The following SPEGNB variants were observed in gnomAD, a reference collection of about 807,000 sequenced individuals.
SPEGNB encodes SPEG neighbor.
Under a neutral mutation model 18.3 loss-of-function variants are expected in SPEGNB, and 12 were observed. That is an observed-to-expected ratio of 0.65 (90% CI 0.42 to 1.06). The LOEUF is 1.06. Among genes scored for constraint, SPEGNB ranks in the 50% least tolerant of loss-of-function variants. The pLI is 0.00. For synonymous variants in SPEGNB, 113 were observed against 138.8 expected, an observed-to-expected ratio of 0.81 and a Z score of 1.31; for missense variants, 273 against 329.3, an observed-to-expected ratio of 0.83 and a Z score of 1.32.
chr2:219,498,090 C>G lies in SPEGNB; in HGVS notation c.618C>G (p.Thr206=), dbSNP rs1329135232. ...FEIGSTTTTL[T]IRRATPQDSG... ...TCGGCAGCACCACCACGACGCTGAC[C>G]ATTCGCCGGGCCACGCCTCAGGACA... Residue 206 remains threonine (T), a synonymous_variant, in exon 5 of 5, where the codon ACC becomes ACG. Transcript: ENST00000651166. 3.8e-6 allele frequency: 5 copies of G among 1,304,054 alleles called. No homozygotes were observed. The African/African-American group carries it at 7.6e-5, about 20-fold the overall frequency. The allele number at this position is 1,304,054 out of a possible 1,614,324, so 80.8% of individuals were successfully genotyped here.
intron 2 of SPEGNB, 63 bp from the exon 3 acceptor site, chr2:219,496,746 G>C: frequency 8.5e-7 from 1 of 1,177,280 alleles, no homozygotes. Context: ...TGGTGCGCTC[G>C]CGGTAAGGGC....
At position 219,496,478 on chromosome 2, in the gene SPEGNB, C is replaced by T. The variant is rs1364746268; in HGVS notation, c.124C>T (p.His42Tyr). Reference sequence around the variant, plus strand: ...TCGTATCCAGGCCTCTTACCGGGGCCACAGGTGAGAGGGAACCCCGGAGCC... The same window carrying T: ...TCGTATCCAGGCCTCTTACCGGGGCTACAGGTGAGAGGGAACCCCGGAGCC... Reference protein sequence around the residue: ...AIRIQASYRGHRSRKELREKG... With the variant: ...AIRIQASYRGYRSRKELREKG... The change falls in exon 2 of 5, where the codon CAC becomes TAC. Residue 42 changes from histidine to tyrosine, a missense_variant. Transcript: ENST00000651166. 3 of 1,259,436 alleles carry T rather than the reference C, an allele frequency of 2.4e-6. No individual in the cohort carries two copies. Among genetic ancestry groups the T allele is most frequent in the Non-Finnish European group, 3.1e-6 (3 of 958,312 alleles). The allele number at this position is 1,259,436 out of a possible 1,614,324, so 78.0% of individuals were successfully genotyped here.
chr2:219,496,736 T>G, intron 2 of SPEGNB, 73 bp from the exon 3 acceptor site: 1 of 1,167,178 alleles, frequency 8.6e-7, no homozygotes, highest in Admixed American at 3.5e-5. Flanking sequence ...AGGTAGGAGA[T>G]GGTGCGCTCG....
chr2:219,497,983 A>G, intron 4 of SPEGNB, 68 bp from the exon 5 acceptor site: 2 of 1,272,554 alleles, frequency 1.6e-6, no homozygotes, highest in Non-Finnish European at 2.1e-6. Context: ...GAGCTGGCTA[A>G]GGAGCCCCGC....
rs551161428 is a variant in SPEGNB, at chr2:219,498,175, G to C, written c.703G>C (p.Val235Leu). 1 of 1,303,922 alleles carries C rather than the reference G, an allele frequency of 7.7e-7. No homozygotes were observed. The highest frequency in any genetic ancestry group is 5.5e-5 in the East Asian group (1 of 18,030). 80.8% of individuals were successfully genotyped at this position (1,303,922 alleles called of 1,614,324 possible). The change falls in exon 5 of 5, where the codon GTC becomes CTC. Residue 235 changes from valine to leucine, a missense_variant. Physicochemically the swap from Val to Leu is conservative, Grantham distance 32 (BLOSUM62 1). Transcript: ENST00000651166. Reference protein sequence around the residue: ...SLGMDQSFARVDVA With the variant: ...SLGMDQSFARLDVA ...GGGCATGGACCAGAGCTTCGCTCGCGTCGACGTGGCCTGAACGGCACCCCC... is the reference window on the plus strand; with the variant it reads ...GGGCATGGACCAGAGCTTCGCTCGCCTCGACGTGGCCTGAACGGCACCCCC...
intron 2 of SPEGNB, 79 bp downstream of exon 2, chr2:219,496,561 G>A (rs1272343927): frequency 8.7e-7 from 1 of 1,149,168 alleles, no homozygotes; most frequent in African/African-American, 1.6e-5. Flanking sequence ...AGTAAGCGCT[G>A]AGCAGCGTCA....
chr2:219,497,247 C>CGGCCTG, intron 3 of SPEGNB, 131 bp downstream of exon 3: 1 of 675,080 alleles, frequency 1.5e-6, no homozygotes, highest in Admixed American at 5.1e-5. Context: ...GCTCTGGGCA[C>CGGCCTG]GGCCTGGGGC....
chr2:219,498,231 G>C lies in SPEGNB; in HGVS notation c.*42G>C. ...TTCCGCCCTGGCGCCGAGCCCGGGG[G>C]TGGTGGGACCCACAGCCCTCCACCA... On this transcript the variant is annotated 3_prime_UTR_variant, in exon 5 of 5. Transcript: ENST00000651166. The C allele has an allele frequency of 7.8e-7, 1 of 1,288,032 alleles. No individual in the cohort carries two copies. The highest frequency in any genetic ancestry group is 1.3e-5 in the South Asian group (1 of 78,548). 79.8% of individuals were successfully genotyped at this position (1,288,032 alleles called of 1,614,324 possible). A position where few individuals can be genotyped will look rare whatever the true frequency, so the allele number is the denominator to read the frequency against.
In SPEGNB at chr2:219,496,978, T is replaced by C. The variant is rs1376092811; in HGVS notation, c.298T>C (p.Tyr100His). The C allele has an allele frequency of 2.3e-6, 3 of 1,303,548 alleles. No homozygotes were observed. Among genetic ancestry groups the C allele is most frequent in the Admixed American group, 4.6e-5 (2 of 43,520 alleles). The allele number at this position is 1,303,548 out of a possible 1,614,324, so 80.7% of individuals were successfully genotyped here. Residue 100 changes from tyrosine (Y) to histidine (H), a missense_variant, in exon 3 of 5, where the codon TAC (tyrosine) becomes CAC (histidine). By Grantham distance (83) the Tyr-to-His change is moderately conservative. Transcript: ENST00000651166. ...DGKELRDGPK[Y>H]RYVFEDPDVV... ...CAAGGAGCTACGTGACGGTCCCAAGTACCGCTACGTCTTCGAGGACCCTGA... is the reference window on the plus strand; with the variant it reads ...CAAGGAGCTACGTGACGGTCCCAAGCACCGCTACGTCTTCGAGGACCCTGA...
chr2:219,497,992 G>A (rs976708950), intron 4 of SPEGNB, 59 bp from the exon 5 acceptor site: 4 of 1,272,076 alleles, frequency 3.1e-6, no homozygotes, highest in South Asian at 2.6e-5. Context: ...AAGGAGCCCC[G>A]CCCAGTGCGC....
chr2:219,497,581 G>A (rs1168181556), intron 3 of SPEGNB, 139 bp from the exon 4 acceptor site: 1 of 1,064,466 alleles, frequency 9.4e-7, no homozygotes, highest in African/African-American at 1.7e-5. Flanking sequence ...GATGAAACCA[G>A]AGAGGCTAAT....
chr2:219,496,674 G>A, intron 2 of SPEGNB, 135 bp from the exon 3 acceptor site: 3 of 993,540 alleles, frequency 3.0e-6, no homozygotes, highest in Non-Finnish European at 3.9e-6. Context: ...TTCAGGAGCA[G>A]TCCTCTTCCC....
At position 219,496,974 on chromosome 2, in the gene SPEGNB, C is replaced by T. The variant is rs746488633; in HGVS notation, c.294C>T (p.Pro98=). ...SKDGKELRDG[P]KYRYVFEDPD... ...ACGGCAAGGAGCTACGTGACGGTCC[C>T]AAGTACCGCTACGTCTTCGAGGACC... The change falls in exon 3 of 5, where the codon CCC becomes CCT. Residue 98 remains proline (P), a synonymous_variant. Transcript: ENST00000651166. The T allele has an allele frequency of 7.7e-7, 1 of 1,303,614 alleles. No individual in the cohort carries two copies. The highest frequency in any genetic ancestry group is 1.2e-5 in the South Asian group (1 of 80,984). 80.8% of individuals were successfully genotyped at this position (1,303,614 alleles called of 1,614,324 possible).
chr2:219,497,666 C>T (rs1395079631), intron 3 of SPEGNB, 54 bp from the exon 4 acceptor site: 1 of 1,289,532 alleles, frequency 7.8e-7, no homozygotes, highest in Non-Finnish European at 1.0e-6. Context: ...GAGGTGATGC[C>T]CTGCCTCATC....
At position 219,498,262 on chromosome 2, in the gene SPEGNB, C is replaced by T. The variant is rs1705037; in HGVS notation, c.*73C>T. The T allele has an allele frequency of 8.1e-7, 1 of 1,230,942 alleles. No homozygotes were observed. The highest frequency in any genetic ancestry group is 1.1e-6 in the Non-Finnish European group (1 of 947,264). 76.3% of individuals were successfully genotyped at this position (1,230,942 alleles called of 1,614,324 possible). A position where few individuals can be genotyped will look rare whatever the true frequency, so the allele number is the denominator to read the frequency against. ...GGACCCACAGCCCTCCACCAGCTTG[C>T]TTAATAAAGCTGCTCTCTGACCCTC... On this transcript the variant is annotated 3_prime_UTR_variant, in exon 5 of 5. Coordinates refer to ENST00000651166, the MANE Select transcript of SPEGNB (RefSeq NM_001286811.2).
intron 3 of SPEGNB, among the ~76,000 whole-genome samples, chr2:219,497,452 C>G (rs1417131846): frequency 1.3e-5 from 2 of 152,192 alleles, no homozygotes; most frequent in South Asian, 4.1e-4. Context: ...GGAGCGGTCT[C>G]TGAGGCACCG....
Position 219,496,982 on chromosome 2 carries a change from G to A in SPEGNB, c.302G>A (p.Arg101His), listed in dbSNP as rs1228773842. 7.7e-6 allele frequency: 10 copies of A among 1,303,356 alleles called. No individual in the cohort carries two copies. Among genetic ancestry groups the A allele is most frequent in the Non-Finnish European group, 1.0e-5 (10 of 988,116 alleles). 80.7% of individuals were successfully genotyped at this position (1,303,356 alleles called of 1,614,324 possible). A position where few individuals can be genotyped will look rare whatever the true frequency, so the allele number is the denominator to read the frequency against. The change falls in exon 3 of 5, where the codon CGC becomes CAC. Residue 101 changes from arginine (R) to histidine (H), a missense_variant. Transcript: ENST00000651166. ...GAGCTACGTGACGGTCCCAAGTACC[G>A]CTACGTCTTCGAGGACCCTGACGTG... ...GKELRDGPKY[R>H]YVFEDPDVVA...
intron 2 of SPEGNB, 149 bp from the exon 3 acceptor site, chr2:219,496,660 G>A: frequency 1.1e-6 from 1 of 947,230 alleles, no homozygotes; most frequent in Non-Finnish European, 1.4e-6. Context: ...TATCAGGGCA[G>A]CAGTTCAGGA....
chr2:219,497,534 A>G (rs1391270731), intron 3 of SPEGNB, 186 bp from the exon 4 acceptor site: 13 of 628,350 alleles, frequency 2.1e-5, no homozygotes, highest in Admixed American at 3.9e-5. Flanking sequence ...CCCGAGAAGT[A>G]GGAGAGGCAG....
Sources: allele counts gnomAD v4.1 joint callset (sites outside exome capture counted in the v4.1 genomes callset), GRCh38; gene constraint gnomAD v4.1.1; transcripts MANE v1.5; gene names NCBI Gene and HGNC (gene_info 2026-07-23, HGNC 2026-07-21).